PHF21B: variants seen among roughly 807,000 people sequenced by gnomAD.
The protein encoded by PHF21B is PHD finger protein 4.
Under a neutral mutation model 62.2 loss-of-function variants are expected in PHF21B, and 22 were observed. The ratio of observed to expected loss-of-function variants is 0.35; its 90% confidence interval spans 0.25 to 0.51. The LOEUF (loss-of-function observed/expected upper bound fraction) is 0.51, where lower values mean the gene tolerates loss of function less well. Among genes scored for constraint, PHF21B ranks in the 20% least tolerant of loss-of-function variants. The pLI is 0.97. For missense variants in PHF21B, 701 were observed against 707.9 expected, an observed-to-expected ratio of 0.99 and a Z score of 0.11; for synonymous variants, 341 against 314.7, an observed-to-expected ratio of 1.08 and a Z score of -0.88.
At chr22:44,951,827 A>G (rs1198844704) in intron 2 of PHF21B, among the ~76,000 whole-genome samples, 1 of 152,150 alleles carries the variant, frequency 6.6e-6, no homozygotes, top group Non-Finnish European at 1.5e-5. Flanking sequence ...GGATAGGTGC[A>G]GGTTTAGCTT....
At chr22:44,963,586 A>G (rs1304298745) in intron 2 of PHF21B, among the ~76,000 whole-genome samples, 1 of 152,228 alleles carries the variant, frequency 6.6e-6, no homozygotes, top group Non-Finnish European at 1.5e-5. Context: ...ACGGATAAGA[A>G]GATGCTTTGT....
chr22:44,893,341 G>A (rs1273267857), intron 7 of PHF21B, 116 bp downstream of exon 7: 1 of 943,360 alleles, frequency 1.1e-6, no homozygotes, highest in Admixed American at 2.3e-5. Flanking sequence ...TCCCAGGAGG[G>A]ACAGACGAGG....
intron 2 of PHF21B, among the ~76,000 whole-genome samples, chr22:44,943,492 C>T (rs374006851): frequency 2.6e-5 from 4 of 152,244 alleles, no homozygotes; most frequent in East Asian, 3.9e-4. Flanking sequence ...GTGCTGGGGG[C>T]GGCCCGATCT....
At chr22:44,965,596 A>G (rs2072509848) in intron 2 of PHF21B, among the ~76,000 whole-genome samples, 1 of 151,868 alleles carries the variant, frequency 6.6e-6, no homozygotes, top group Non-Finnish European at 1.5e-5. Flanking sequence ...CTCCTTTCCC[A>G]GCACCCCGAG....
intron 2 of PHF21B, among the ~76,000 whole-genome samples, chr22:44,991,017 G>A (rs894275673): frequency 2.0e-5 from 3 of 152,188 alleles, no homozygotes; most frequent in Admixed American, 1.3e-4. Context: ...CCTGCGAGGC[G>A]GGAATCAAAG....
rs1044107255 is a variant in PHF21B at position 45,009,019 on chromosome 22, AAC to A, written c.55-411_55-410del. 3.6e-5 allele frequency: 40 copies of A among 1,123,834 alleles called. No homozygotes were observed. Among genetic ancestry groups the A allele is most frequent in the Middle Eastern group, 3.8e-4 (1 of 2,650 alleles). The allele number at this position is 1,123,834 out of a possible 1,614,324, so 69.6% of individuals were successfully genotyped here. ...ATTCAAGTCGCGTCCTAATCTCCCC[AAC>A]ACACACACGCGCACGCCGAGCCCCG... On this transcript the variant is annotated intron_variant, in intron 1 of 12. Transcript: ENST00000313237. This position sits in a 1 kb window ranked among gnomAD's most constrained non-coding sequence, Gnocchi z 5.9.
Position 44,913,976 on chromosome 22 carries a change from T to TGGAGGGGTGAAGGGGACAGTGATGGGGAG in PHF21B, c.648_676dup (p.His226ProfsTer68). The TGGAGGGGTGAAGGGGACAGTGATGGGGAG allele has an allele frequency of 8.3e-7, 1 of 1,208,946 alleles. No homozygotes were observed. Among genetic ancestry groups the TGGAGGGGTGAAGGGGACAGTGATGGGGAG allele is most frequent in the Non-Finnish European group, 1.1e-6 (1 of 943,490 alleles). The allele number at this position is 1,208,946 out of a possible 1,614,324, so 74.9% of individuals were successfully genotyped here. On this transcript the variant is annotated frameshift_variant, in exon 5 of 13. Transcript: ENST00000313237. LOFTEE classifies it high-confidence loss of function. ...AATGATGATGACCTGGAAGATGCCA[T>TGGAGGGGTGAAGGGGACAGTGATGGGGAG]GGAGGGGTGAAGGGGACAGTGATGG... is the stretch of plus-strand genomic sequence containing the variant.
chr22:44,885,560 G>A (rs901601255), intron 11 of PHF21B, 31 bp from the exon 12 acceptor site: 1 of 1,557,326 alleles, frequency 6.4e-7, no homozygotes, highest in Admixed American at 1.9e-5. Flanking sequence ...TCCCTGGAGA[G>A]GGGCAGGTAA....
Position 44,888,122 on chromosome 22 carries a change from C to A in PHF21B, c.1039-1G>T. On this transcript the variant is annotated splice_acceptor_variant, in intron 9 of 12. Transcript: ENST00000313237. LOFTEE classifies it high-confidence loss of function. ...AGTGCTCATCGTGGGTGATCTCGTTCTGGAAGAGAAGGGAGGGCAGGAGAC... is the reference window on the plus strand; with the variant it reads ...AGTGCTCATCGTGGGTGATCTCGTTATGGAAGAGAAGGGAGGGCAGGAGAC... The A allele has an allele frequency of 6.6e-7, 1 of 1,521,982 alleles. No homozygotes were observed. 94.3% of individuals were successfully genotyped at this position (1,521,982 alleles called of 1,614,324 possible). A position where few individuals can be genotyped will look rare whatever the true frequency, so the allele number is the denominator to read the frequency against.
chr22:44,981,740 G>C (rs1055997480), intron 2 of PHF21B, among the ~76,000 whole-genome samples: 3 of 152,208 alleles, frequency 2.0e-5, no homozygotes, highest in African/African-American at 7.2e-5. Context: ...GCTACACGGG[G>C]ACCAACAAAG....
At chr22:44,957,476 A>G (rs1051548788) in intron 2 of PHF21B, among the ~76,000 whole-genome samples, 4 of 152,172 alleles carry the variant, frequency 2.6e-5, no homozygotes, top group African/African-American at 9.7e-5. Flanking sequence ...TGCTGCCTCC[A>G]GAGGGAGTTC....
intron 2 of PHF21B, among the ~76,000 whole-genome samples, chr22:44,981,298 C>G (rs1262033455): frequency 1.7e-4 from 26 of 152,190 alleles, no homozygotes; most frequent in Admixed American, 1.7e-3. Context: ...CATCTCTACC[C>G]TCCTCGGATA....
chr22:44,923,000 A>G (rs1243957002), intron 2 of PHF21B, among the ~76,000 whole-genome samples: 1 of 152,208 alleles, frequency 6.6e-6, no homozygotes, highest in Non-Finnish European at 1.5e-5. Flanking sequence ...TGAAATTATA[A>G]GGGACCTAGA....
At chr22:45,002,509 T>C (rs1400683160) in intron 2 of PHF21B, among the ~76,000 whole-genome samples, 1 of 152,202 alleles carries the variant, frequency 6.6e-6, no homozygotes, top group East Asian at 1.9e-4. Context: ...GTTTATGTAC[T>C]GGTCACCCAG....
intron 2 of PHF21B, among the ~76,000 whole-genome samples, chr22:44,958,630 G>C (rs1228273395): frequency 1.2e-5 from 1 of 80,578 alleles, no homozygotes; most frequent in East Asian, 3.7e-4. Flanking sequence ...TTTTGAGATG[G>C]AGTCTTACTC....
chr22:44,978,509 G>A (rs1569269308), intron 2 of PHF21B, among the ~76,000 whole-genome samples: 1 of 152,114 alleles, frequency 6.6e-6, no homozygotes, highest in Non-Finnish European at 1.5e-5. Flanking sequence ...ATAAGCATGC[G>A]CCACCACACC....
At chr22:44,913,705 G>A in intron 5 of PHF21B, 117 bp downstream of exon 5, 1 of 1,397,262 alleles carries the variant, frequency 7.2e-7, no homozygotes, top group African/African-American at 1.4e-5. Flanking sequence ...CAGGGCAGCT[G>A]TGCCCACGGC....
At chr22:44,987,557 G>C (rs2072972946) in intron 2 of PHF21B, among the ~76,000 whole-genome samples, 1 of 152,158 alleles carries the variant, frequency 6.6e-6, no homozygotes, top group African/African-American at 2.4e-5. Context: ...TGGGACCTGA[G>C]AGGTGAAGTT....
At chr22:44,953,393 C>T (rs969737831) in intron 2 of PHF21B, among the ~76,000 whole-genome samples, 3 of 152,170 alleles carry the variant, frequency 2.0e-5, no homozygotes, top group African/African-American at 4.8e-5. Flanking sequence ...CTTATGCAAA[C>T]CAACCAGCCA....
Sources: allele counts gnomAD v4.1 joint callset (sites outside exome capture counted in the v4.1 genomes callset), GRCh38; gene constraint gnomAD v4.1.1; non-coding constraint Gnocchi (gnomAD v3.1); transcripts MANE v1.5; gene names NCBI Gene and HGNC (gene_info 2026-07-23, HGNC 2026-07-21).